ZMYND11: variants seen among roughly 807,000 people sequenced by gnomAD.
ZMYND11 encodes zinc finger MYND domain-containing protein 11.
In ZMYND11, 9 loss-of-function variants were observed where a neutral mutation model predicts 84.9. The observed-to-expected ratio is 0.11, with a 90% CI of 0.06 to 0.18. The LOEUF (loss-of-function observed/expected upper bound fraction) is 0.18, where lower values mean the gene tolerates loss of function less well. ZMYND11 is among the 10% of genes least tolerant of loss of function. The probability of loss-of-function intolerance (pLI) is 1.00; values close to 1 mark genes in which losing one functional copy is unlikely to be tolerated. For missense variants in ZMYND11, 409 were observed against 761.0 expected (o/e 0.54, Z 5.44); for synonymous variants, 250 against 244.1 (o/e 1.02, Z -0.23).
intron 14 of ZMYND11, among the ~76,000 whole-genome samples, chr10:251,566 T>C (rs1002138027): frequency 1.3e-5 from 2 of 152,208 alleles, no homozygotes; most frequent in Non-Finnish European, 2.9e-5. Flanking sequence ...TTGTCAAGTG[T>C]TTGTTTACAT....
chr10:168,987 T>C (rs1564306244), intron 1 of ZMYND11, among the ~76,000 whole-genome samples: 2 of 152,230 alleles, frequency 1.3e-5, no homozygotes, highest in Admixed American at 1.3e-4. Context: ...ACAGTGAATA[T>C]TGAAGAAAAA....
intron 1 of ZMYND11, among the ~76,000 whole-genome samples, chr10:143,430 A>G (rs1554754420): frequency 6.6e-6 from 1 of 152,178 alleles, no homozygotes; most frequent in Non-Finnish European, 1.5e-5. Flanking sequence ...ATGCTGTTTT[A>G]GAGAGCAGGT....
chr10:248,113 T>C (rs1471691632), intron 12 of ZMYND11, among the ~76,000 whole-genome samples: 1 of 152,230 alleles, frequency 6.6e-6, no homozygotes, highest in Non-Finnish European at 1.5e-5. Flanking sequence ...TTATTGTAGC[T>C]GTTAATTGCA....
At chr10:240,766 A>G in intron 8 of ZMYND11, 127 bp from the exon 9 acceptor site, 2 of 752,112 alleles carry the variant, frequency 2.7e-6, no homozygotes, top group Non-Finnish European at 4.2e-6. Context: ...ATTTAGGCTT[A>G]AAAGATTAAG....
intron 2 of ZMYND11, among the ~76,000 whole-genome samples, chr10:187,681 C>T (rs1000397371): frequency 1.3e-5 from 2 of 151,470 alleles, no homozygotes; most frequent in East Asian, 3.9e-4. Flanking sequence ...TTAACAAGCT[C>T]CAACATTTTG....
intron 2 of ZMYND11, among the ~76,000 whole-genome samples, chr10:187,668 T>A (rs1411424180): frequency 1.3e-5 from 2 of 151,966 alleles, no homozygotes; most frequent in African/African-American, 4.8e-5. Context: ...AAGATAAACT[T>A]CTTTAACAAG....
intron 10 of ZMYND11, among the ~76,000 whole-genome samples, chr10:242,792 C>A (rs1292353265): frequency 2.6e-5 from 4 of 152,146 alleles, no homozygotes; most frequent in Non-Finnish European, 5.9e-5. Flanking sequence ...TTACTCCTCC[C>A]TGTGGTAAAT....
At chr10:188,973 A>G (rs975246127) in intron 2 of ZMYND11, among the ~76,000 whole-genome samples, 2 of 152,188 alleles carry the variant, frequency 1.3e-5, no homozygotes, top group Admixed American at 1.3e-4. Flanking sequence ...GGCAACTTTA[A>G]TTTTGTGTTT....
intron 1 of ZMYND11, among the ~76,000 whole-genome samples, chr10:143,283 C>T (rs377153475): frequency 4.5e-4 from 69 of 152,182 alleles, no homozygotes; most frequent in Non-Finnish European, 1.8e-4. Context: ...GATGCTGCAA[C>T]GGGATAATTG....
In ZMYND11 at chr10:179,998, A is replaced by C; in HGVS notation, c.-15A>C. 6.3e-7 allele frequency: 1 copy of C among 1,591,784 alleles called. No homozygotes were observed. The highest frequency in any genetic ancestry group is 8.6e-7 in the Non-Finnish European group (1 of 1,166,508). The stretch of plus-strand genomic sequence containing the variant: ...TGTTTTTGTTTATTACTGCAGCTAA[A>C]GAAGTAAACAGGTCATGGCACGTTT... On this transcript the variant is annotated 5_prime_UTR_variant, in exon 2 of 15. Transcript: ENST00000381604.
chr10:166,260 A>G (rs973196062), intron 1 of ZMYND11, among the ~76,000 whole-genome samples: 1 of 152,182 alleles, frequency 6.6e-6, no homozygotes, highest in Non-Finnish European at 1.5e-5. Context: ...ATTTTATCAA[A>G]ATTTGAAAGT....
chr10:188,591 C>CAAAA (rs57541654), intron 2 of ZMYND11, among the ~76,000 whole-genome samples: 1 of 120,092 alleles, frequency 8.3e-6, no homozygotes, highest in Non-Finnish European at 1.8e-5. Context: ...GACCCTGTCT[C>CAAAA]AAAAAAAAAA....
At chr10:232,062 A>G (rs1447085456) in intron 4 of ZMYND11, among the ~76,000 whole-genome samples, 1 of 152,246 alleles carries the variant, frequency 6.6e-6, no homozygotes, top group Non-Finnish European at 1.5e-5. Context: ...AAAGCCTGAG[A>G]AAGAATTGGA....
At chr10:203,983 TCA>T (rs1943701135) in intron 2 of ZMYND11, among the ~76,000 whole-genome samples, 2 of 152,230 alleles carry the variant, frequency 1.3e-5, no homozygotes, top group Admixed American at 6.5e-5. Flanking sequence ...GGTACAGTTA[TCA>T]GTTATTTAAC....
At position 249,683 on chromosome 10, in the gene ZMYND11, G is replaced by A. The variant is rs542841302; in HGVS notation, c.1686+595G>A. The A allele has an allele frequency of 2.2e-4, 218 of 985,322 alleles. No homozygotes were observed. The African/African-American group carries it at 3.6e-3, about 16-fold the overall frequency. 61.0% of individuals were successfully genotyped at this position (985,322 alleles called of 1,614,324 possible). On this transcript the variant is annotated intron_variant, in intron 14 of 14. Coordinates refer to ENST00000381604, the MANE Select transcript of ZMYND11 (RefSeq NM_001370100.5). ...CTGAGTGCACAGGGTCCAAGTGCTC[G>A]TCCTACAGCCGCCACAGTGCTCAGT...
chr10:172,251 T>G (rs1845513937), intron 1 of ZMYND11, among the ~76,000 whole-genome samples: 1 of 152,144 alleles, frequency 6.6e-6, no homozygotes, highest in African/African-American at 2.4e-5. Context: ...CAGTACTAGC[T>G]AATGCAATAA....
intron 1 of ZMYND11, among the ~76,000 whole-genome samples, chr10:169,114 A>G (rs1554764846): frequency 6.6e-6 from 1 of 152,108 alleles, no homozygotes; most frequent in African/African-American, 2.4e-5. Flanking sequence ...AGCCTAACCT[A>G]CCTGGGGGAA....
chr10:195,948 G>A (rs1169861051), intron 2 of ZMYND11, among the ~76,000 whole-genome samples: 1 of 152,202 alleles, frequency 6.6e-6, no homozygotes, highest in Non-Finnish European at 1.5e-5. Context: ...GAAAATAGAT[G>A]ACACAGAAGG....
At chr10:135,153 C>T (rs1320423445), upstream of ZMYND11, 1 of 149,494 alleles carries the variant, frequency 6.7e-6, no homozygotes, top group Non-Finnish European at 1.5e-5. This position sits in a 1 kb window ranked among gnomAD's most constrained non-coding sequence, Gnocchi z 5.6. Flanking sequence ...CGCCCAACTT[C>T]CCGCCGCCCG....
Sources: allele counts gnomAD v4.1 joint callset (sites outside exome capture counted in the v4.1 genomes callset), GRCh38; gene constraint gnomAD v4.1.1; non-coding constraint Gnocchi (gnomAD v3.1); transcripts MANE v1.5; gene names NCBI Gene and HGNC (gene_info 2026-07-23, HGNC 2026-07-21).